IRF8: variants seen among roughly 807,000 people sequenced by gnomAD.
IRF8 encodes the protein interferon consensus sequence binding protein 1.
A neutral mutation model predicts 48.7 loss-of-function variants in IRF8; 14 were observed. The observed-to-expected ratio is 0.29, with a 90% CI of 0.19 to 0.45. IRF8 has a LOEUF of 0.45. Ranked by LOEUF, IRF8 falls within the 20% of genes least tolerant of loss-of-function variation. The pLI is 1.00. For synonymous variants in IRF8, 278 were observed against 227.3 expected, an observed-to-expected ratio of 1.22 and a Z score of -2.01; for missense variants, 493 against 580.7, an observed-to-expected ratio of 0.85 and a Z score of 1.55.
At chr16:85,902,402 C>A (rs986783965) in intron 1 of IRF8, among the ~76,000 whole-genome samples, 2 of 152,204 alleles carry the variant, frequency 1.3e-5, no homozygotes, top group African/African-American at 4.8e-5. Flanking sequence ...AATGCTGATC[C>A]AGCGTCTCCC....
At chr16:85,913,629 A>G (rs1287761424) in intron 5 of IRF8, among the ~76,000 whole-genome samples, 1 of 152,200 alleles carries the variant, frequency 6.6e-6, no homozygotes, top group Non-Finnish European at 1.5e-5. Context: ...GTCTGTTACG[A>G]CATTAAGGAC....
rs1418920342 is a variant in IRF8, at chr16:85,903,165, G to A, written c.150G>A (p.Gln50=). 8.1e-6 allele frequency: 13 copies of A among 1,614,160 alleles called. No homozygotes were observed. The highest frequency in any genetic ancestry group is 1.7e-5 in the Admixed American group (1 of 60,024). ...ACGCTGGCAAGCAAGATTATAATCA[G>A]GAAGTGGATGCCTCCATTTTTAAGG... is the stretch of plus-strand genomic sequence containing the variant. ...WKHAGKQDYN[Q]EVDASIFKAW... The change falls in exon 2 of 9, where the codon CAG becomes CAA. Residue 50 remains glutamine (Q), a synonymous_variant. Coordinates refer to ENST00000268638, the MANE Select transcript of IRF8 (RefSeq NM_002163.4).
At chr16:85,916,526 G>A (rs1350645853) in intron 6 of IRF8, among the ~76,000 whole-genome samples, 5 of 152,312 alleles carry the variant, frequency 3.3e-5, no homozygotes, top group African/African-American at 1.2e-4. Flanking sequence ...CCTGACAGCT[G>A]GAACCTTCTC....
chr16:85,911,548 G>C, intron 3 of IRF8, 22 bp from the exon 4 acceptor site: 1 of 1,604,996 alleles, frequency 6.2e-7, no homozygotes, highest in Non-Finnish European at 8.5e-7. Flanking sequence ...ATGTGTCATG[G>C]TGTTTGTCTG....
chr16:85,906,545 G>T (rs1030653016), intron 2 of IRF8, among the ~76,000 whole-genome samples: 8 of 152,240 alleles, frequency 5.3e-5, no homozygotes, highest in African/African-American at 1.7e-4. Flanking sequence ...CTGGCCGTGG[G>T]CCCTGCTGTG....
chr16:85,902,029 C>G (rs1298293066), intron 1 of IRF8, among the ~76,000 whole-genome samples: 1 of 151,348 alleles, frequency 6.6e-6, no homozygotes, highest in Non-Finnish European at 1.5e-5. Context: ...TGCTAGTTCT[C>G]TCTCTCTTTC....
rs766262890 is a variant in IRF8 at position 85,913,112 on chromosome 16, C to T, written c.448-19C>T. ...ATCAGTGACTGAGCTGCCCTCCTCT[C>T]CCTCCCCTGACTGTGCAGCCTTCTG... On this transcript the variant is annotated intron_variant, in intron 4 of 8. Transcript: ENST00000268638. 2 of 1,593,460 alleles carry T rather than the reference C, an allele frequency of 1.3e-6. No individual in the cohort carries two copies. The highest frequency in any genetic ancestry group is 4.5e-5 in the East Asian group (2 of 44,804).
intron 7 of IRF8, 39 bp from the exon 8 acceptor site, chr16:85,920,070 G>C (rs777844058): frequency 2.0e-6 from 3 of 1,480,746 alleles, no homozygotes; most frequent in Admixed American, 1.7e-5. Flanking sequence ...AGGTCATCTC[G>C]GCCTTGCTTG....
intron 7 of IRF8, 139 bp downstream of exon 7, chr16:85,918,942 G>A (rs1042933682): frequency 6.1e-6 from 7 of 1,150,130 alleles, no homozygotes; most frequent in African/African-American, 1.5e-5. Flanking sequence ...GTGGCAAGGA[G>A]GTGCTCCTTT....
chr16:85,919,558 C>A (rs1019339850), intron 7 of IRF8, among the ~76,000 whole-genome samples: 2 of 152,204 alleles, frequency 1.3e-5, no homozygotes, highest in Non-Finnish European at 2.9e-5. Context: ...CCGCGGTTAT[C>A]ACCCCTGAGC....
At chr16:85,900,840 A>G (rs747597347) in intron 1 of IRF8, 9 of 152,246 alleles carry the variant, frequency 5.9e-5, no homozygotes, top group Non-Finnish European at 8.8e-5. Flanking sequence ...TTTAGATGTT[A>G]TGAATCCATT....
chr16:85,921,130 C>T lies in IRF8; in HGVS notation c.1129C>T (p.Leu377=). Residue 377 remains leucine, a synonymous_variant, in exon 9 of 9, where the codon CTG becomes TTG. Transcript: ENST00000268638. ...GATTGAGCAGCTGTATGTCCGGCAACTGGCAGAAGAGGCTGGGAAGAGCTG... is the reference window on the plus strand; with the variant it reads ...GATTGAGCAGCTGTATGTCCGGCAATTGGCAGAAGAGGCTGGGAAGAGCTG... ...VQIEQLYVRQ[L]AEEAGKSCGA... 2 of 1,613,962 alleles carry T rather than the reference C, an allele frequency of 1.2e-6. No individual in the cohort carries two copies. The highest frequency in any genetic ancestry group is 2.2e-5 in the East Asian group (1 of 44,886).
chr16:85,899,705 A>C (rs1048322510), intron 1 of IRF8, among the ~76,000 whole-genome samples: 3 of 152,196 alleles, frequency 2.0e-5, no homozygotes, highest in African/African-American at 7.2e-5. Flanking sequence ...AATGACAGTC[A>C]ATTAAGATTT....
intron 2 of IRF8, among the ~76,000 whole-genome samples, chr16:85,905,374 T>C (rs1300295274): frequency 6.6e-6 from 1 of 152,128 alleles, no homozygotes; most frequent in Non-Finnish European, 1.5e-5. Context: ...GGTAATGAAA[T>C]AAAGCCCCAG....
intron 1 of IRF8, among the ~76,000 whole-genome samples, chr16:85,899,530 C>T (rs573694304): frequency 6.6e-6 from 1 of 152,268 alleles, no homozygotes; most frequent in East Asian, 1.9e-4. Flanking sequence ...ATATAATGAA[C>T]GGCAATAGCA....
At position 85,920,106 on chromosome 16, in the gene IRF8, C is replaced by T; in HGVS notation, c.989-3C>T. The T allele has an allele frequency of 2.5e-6, 4 of 1,609,972 alleles. No individual in the cohort carries two copies. The highest frequency in any genetic ancestry group is 3.4e-6 in the Non-Finnish European group (4 of 1,176,170). On this transcript the variant is annotated splice_polypyrimidine_tract_variant and splice_region_variant and intron_variant, in intron 7 of 8. Coordinates refer to ENST00000268638, the MANE Select transcript of IRF8 (RefSeq NM_002163.4). ...CAAACACCCTCTGCCTGTGTCATTC[C>T]AGAGCTGCAGCAGTTCTATAACAGC...
At chr16:85,902,643 A>G (rs1904860753) in intron 1 of IRF8, 1 of 322,604 alleles carries the variant, frequency 3.1e-6, no homozygotes, top group Non-Finnish European at 6.1e-6. Flanking sequence ...CTGGTGCTGT[A>G]AAAGTGATTC....
chr16:85,902,914 T>G, intron 1 of IRF8, 101 bp from the exon 2 acceptor site: 1 of 1,323,488 alleles, frequency 7.6e-7, no homozygotes, highest in Non-Finnish European at 1.1e-6. Context: ...AGCCAGCACC[T>G]TTGCTGCAAA....
chr16:85,919,911 C>T (rs1905480740), intron 7 of IRF8, among the ~76,000 whole-genome samples, 198 bp from the exon 8 acceptor site: 1 of 152,248 alleles, frequency 6.6e-6, no homozygotes, highest in Non-Finnish European at 1.5e-5. Flanking sequence ...GCATTAAAAT[C>T]CCGGCAACAA....
Sources: gnomAD v4.1 joint callset for allele counts (sites outside exome capture counted in the v4.1 genomes callset) on GRCh38, gnomAD v4.1.1 for gene constraint, MANE v1.5 for transcripts, NCBI Gene and HGNC (gene_info 2026-07-23, HGNC 2026-07-21) for gene names.